PDE1A: variants seen among roughly 807,000 people sequenced by gnomAD.
The protein encoded by PDE1A is dual specificity calcium/calmodulin-dependent 3',5'-cyclic nucleotide phosphodiesterase 1A.
PDE1A carries 35 observed loss-of-function variants against 61.7 expected under a neutral mutation model. The observed-to-expected ratio is 0.57, with a 90% CI of 0.43 to 0.75. The LOEUF is 0.75. Ranked by LOEUF, PDE1A falls within the 30% of genes least tolerant of loss-of-function variation. The pLI, the probability that PDE1A is intolerant of heterozygous loss-of-function variation, is 0.00. For synonymous variants in PDE1A, 232 were observed against 213.2 expected (o/e 1.09, Z -0.77); for missense variants, 597 against 630.6 (o/e 0.95, Z 0.57).
chr2:182,429,839 G>T (rs972607045), upstream of PDE1A, among the ~76,000 whole-genome samples: 12 of 152,122 alleles, frequency 7.9e-5, no homozygotes, highest in Non-Finnish European at 1.5e-4. Context: ...GCCAAAGCAT[G>T]CAATGGCAAA....
intron 4 of PDE1A, among the ~76,000 whole-genome samples, chr2:182,231,895 A>G (rs1194854623): frequency 6.6e-6 from 1 of 152,208 alleles, no homozygotes; most frequent in Non-Finnish European, 1.5e-5. Context: ...AGCCTGGGTG[A>G]CAGAGTGAGA....
At chr2:182,522,046 A>T (rs1690600851) in intron 2 of PDE1A, among the ~76,000 whole-genome samples, 1 of 152,162 alleles carries the variant, frequency 6.6e-6, no homozygotes, top group Admixed American at 6.6e-5. Flanking sequence ...GAAACCATGT[A>T]ATATGACAGT....
intron 2 of PDE1A, among the ~76,000 whole-genome samples, chr2:182,258,801 G>C (rs908606756): frequency 1.3e-5 from 2 of 152,152 alleles, no homozygotes; most frequent in Admixed American, 6.5e-5. Flanking sequence ...CTTACCCCAT[G>C]TTACTCCCTC....
At chr2:182,411,337 G>A (rs1231110812) in intron 1 of PDE1A, among the ~76,000 whole-genome samples, 1 of 152,180 alleles carries the variant, frequency 6.6e-6, no homozygotes, top group Non-Finnish European at 1.5e-5. Context: ...ACTGTTGCAT[G>A]TATTTTTGGT....
chr2:182,431,966 C>T (rs1364885008), upstream of PDE1A, among the ~76,000 whole-genome samples: 2 of 152,030 alleles, frequency 1.3e-5, no homozygotes, highest in Non-Finnish European at 2.9e-5. Flanking sequence ...TTCCAAAGGG[C>T]CCTGGTTTAC....
chr2:182,555,110 G>A, the PDE1A span, among the ~76,000 whole-genome samples: 1 of 152,156 alleles, frequency 6.6e-6, no homozygotes, highest in African/African-American at 2.4e-5. Flanking sequence ...TGACTCAAAT[G>A]GCAAATTTAA....
the PDE1A span, among the ~76,000 whole-genome samples, chr2:182,708,722 A>G: frequency 6.6e-6 from 1 of 152,158 alleles, no homozygotes; most frequent in African/African-American, 2.4e-5. Context: ...TTGAGTGGGG[A>G]CACAGAGCCA....
chr2:182,656,091 C>A, the PDE1A span, among the ~76,000 whole-genome samples: 1 of 152,168 alleles, frequency 6.6e-6, no homozygotes, highest in African/African-American at 2.4e-5. Flanking sequence ...TCCCCCACAT[C>A]ATTCTATTAC....
chr2:182,437,111 G>A (rs1474064670), intron 2 of PDE1A, among the ~76,000 whole-genome samples: 1 of 151,832 alleles, frequency 6.6e-6, no homozygotes, highest in Non-Finnish European at 1.5e-5. Flanking sequence ...CTGAATATTT[G>A]GATGCTTTAA....
At chr2:182,612,972 C>A in the PDE1A span, among the ~76,000 whole-genome samples, 43 of 152,098 alleles carry the variant, frequency 2.8e-4, no homozygotes, top group African/African-American at 9.4e-4. Context: ...AATATGAGTT[C>A]TTTTACTCAC....
the PDE1A span, among the ~76,000 whole-genome samples, chr2:182,584,135 T>A: frequency 6.8e-4 from 104 of 152,174 alleles, no homozygotes; most frequent in Middle Eastern, 3.4e-3. Flanking sequence ...CACAGCAGTG[T>A]TGGACTTAGA....
the PDE1A span, among the ~76,000 whole-genome samples, chr2:182,529,536 A>G: frequency 3.9e-5 from 6 of 152,218 alleles, no homozygotes; most frequent in African/African-American, 1.4e-4. Context: ...AAATGAGTTA[A>G]TACTTTGGGG....
At chr2:182,344,226 T>C (rs1277094466) in intron 1 of PDE1A, among the ~76,000 whole-genome samples, 6 of 152,166 alleles carry the variant, frequency 3.9e-5, no homozygotes, top group Non-Finnish European at 7.3e-5. Context: ...ATATTGTTTA[T>C]ATTTTTGCAT....
chr2:182,451,584 T>G (rs1685525273), intron 2 of PDE1A, among the ~76,000 whole-genome samples: 1 of 152,104 alleles, frequency 6.6e-6, no homozygotes, highest in African/African-American at 2.4e-5. Context: ...TTATAAAAAT[T>G]AATCTGAAAT....
chr2:182,319,230 A>G (rs200250603), intron 1 of PDE1A, among the ~76,000 whole-genome samples: 2 of 152,320 alleles, frequency 1.3e-5, no homozygotes, highest in East Asian at 3.9e-4. Flanking sequence ...GAGAAAAACT[A>G]AAAACATATC....
chr2:182,173,141 C>T (rs889168886), intron 13 of PDE1A, among the ~76,000 whole-genome samples: 12 of 152,044 alleles, frequency 7.9e-5, no homozygotes, highest in African/African-American at 2.9e-4. Flanking sequence ...GTATTTCCTG[C>T]TCTTCCCCTA....
intron 2 of PDE1A, among the ~76,000 whole-genome samples, chr2:182,518,173 G>A (rs1479542654): frequency 6.6e-6 from 1 of 152,152 alleles, no homozygotes; most frequent in Non-Finnish European, 1.5e-5. Context: ...TCATCCTAAA[G>A]TATGGTTCCA....
intron 2 of PDE1A, among the ~76,000 whole-genome samples, chr2:182,501,080 A>C (rs1390705006): frequency 6.6e-6 from 1 of 152,242 alleles, no homozygotes; most frequent in Non-Finnish European, 1.5e-5. Flanking sequence ...GCAAATTTAC[A>C]AAACAATTTG....
intron 1 of PDE1A, among the ~76,000 whole-genome samples, chr2:182,327,900 G>T (rs1259926644): frequency 6.6e-6 from 1 of 152,232 alleles, no homozygotes; most frequent in East Asian, 1.9e-4. Context: ...AACTGATGGA[G>T]TGAAGAGAGG....
Sources: allele counts gnomAD v4.1 joint callset (sites outside exome capture counted in the v4.1 genomes callset), GRCh38; gene constraint gnomAD v4.1.1; transcripts MANE v1.5; gene names NCBI Gene and HGNC (gene_info 2026-07-23, HGNC 2026-07-21).